The following GPATCH8 variants were observed in gnomAD, a reference collection of about 807,000 sequenced individuals.
GPATCH8 encodes G patch domain-containing protein 8.
Under a neutral mutation model 118.3 loss-of-function variants are expected in GPATCH8, and 18 were observed. The ratio of observed to expected loss-of-function variants is 0.15; its 90% CI spans 0.11 to 0.23. GPATCH8 has a LOEUF of 0.23. Among genes scored for constraint, GPATCH8 ranks in the 10% least tolerant of loss-of-function variants. The pLI is 1.00. For missense variants in GPATCH8, 1,631 were observed against 1,873.8 expected (o/e 0.87, Z 2.39); for synonymous variants, 659 against 684.7 (o/e 0.96, Z 0.59).
In GPATCH8 at chr17:44,395,670, C is replaced by T; in HGVS notation, c.*1898G>A. On this transcript the variant is annotated 3_prime_UTR_variant, in exon 8 of 8. Coordinates refer to ENST00000591680, the MANE Select transcript of GPATCH8 (RefSeq NM_001002909.4). ...ACAGGTAGGAGGGTGGGAGGGCAGT[C>T]AAGAGTTGTGTTTGCCTGCCACTTT... 4.4e-6 allele frequency: 2 copies of T among 454,120 alleles called. No homozygotes were observed. Among genetic ancestry groups the T allele is most frequent in the South Asian group, 3.1e-5 (2 of 64,478 alleles). 28.1% of individuals were successfully genotyped at this position (454,120 alleles called of 1,614,324 possible). A position where few individuals can be genotyped will look rare whatever the true frequency, so the allele number is the denominator to read the frequency against.
intron 3 of GPATCH8, among the ~76,000 whole-genome samples, chr17:44,462,533 A>G (rs2051594393): frequency 6.6e-6 from 1 of 152,206 alleles, no homozygotes; most frequent in African/African-American, 2.4e-5. Context: ...ACTGGAAAAC[A>G]AGTTTAAAGG....
At chr17:44,501,220 C>T (rs1348895207) in intron 1 of GPATCH8, among the ~76,000 whole-genome samples, 3 of 152,002 alleles carry the variant, frequency 2.0e-5, no homozygotes, top group Non-Finnish European at 4.4e-5. Context: ...AGTTCGAGAC[C>T]AGCCTGGCCA....
rs141090723 is a variant in GPATCH8 at position 44,454,593 on chromosome 17, T to C, written c.193+9879A>G. 3.6e-4 allele frequency among the ~76,000 whole-genome samples: 55 copies of C among 152,306 alleles called. 1 individual carries two copies. Among genetic ancestry groups the C allele is most frequent in the Admixed American group, 6.5e-4 (10 of 15,290 alleles). ...TCTCCTGCAATCCCTTTCATCTTTA[T>C]ATTTATTTTAATTTTTGTAGAGACA... On this transcript the variant is annotated intron_variant, in intron 3 of 7. Transcript: ENST00000591680.
At chr17:44,442,436 A>C (rs1188931472) in intron 3 of GPATCH8, among the ~76,000 whole-genome samples, 2 of 152,306 alleles carry the variant, frequency 1.3e-5, no homozygotes, top group Admixed American at 6.5e-5. Flanking sequence ...ATGAAGTGCA[A>C]GTAAATATAA....
chr17:44,480,187 C>T (rs1443781817), intron 1 of GPATCH8, among the ~76,000 whole-genome samples: 1 of 152,030 alleles, frequency 6.6e-6, no homozygotes, highest in South Asian at 2.1e-4. Flanking sequence ...ATACAGGTGG[C>T]AAGTAAGCAC....
At position 44,397,361 on chromosome 17, in the gene GPATCH8, A is replaced by G; in HGVS notation, c.*207T>C. 1.5e-6 allele frequency: 1 copy of G among 687,124 alleles called. No individual in the cohort carries two copies. Among genetic ancestry groups the G allele is most frequent in the Non-Finnish European group, 2.7e-6 (1 of 376,262 alleles). 42.6% of individuals were successfully genotyped at this position (687,124 alleles called of 1,614,324 possible). ...ACACAGAAGAGGGAGGGACAAATTG[A>G]GAGGAGGACAGGAAAAAGAAATCCC... On this transcript the variant is annotated 3_prime_UTR_variant, in exon 8 of 8. Coordinates refer to ENST00000591680, the MANE Select transcript of GPATCH8 (RefSeq NM_001002909.4).
intron 7 of GPATCH8, among the ~76,000 whole-genome samples, chr17:44,405,309 A>C (rs1390330375): frequency 2.0e-5 from 3 of 151,444 alleles, no homozygotes; most frequent in Middle Eastern, 3.5e-3. Flanking sequence ...CCCAGGTTCA[A>C]GCGATTCTCC....
intron 3 of GPATCH8, among the ~76,000 whole-genome samples, chr17:44,460,301 TC>T (rs1387897786): frequency 3.9e-5 from 6 of 152,208 alleles, no homozygotes; most frequent in Admixed American, 3.3e-4. Flanking sequence ...CATTATCTTT[TC>T]TTCAGGTCTT....
chr17:44,398,703 T>C lies in GPATCH8; in HGVS notation c.3374A>G (p.Asp1125Gly). 1 of 1,594,932 alleles carries C rather than the reference T, an allele frequency of 6.3e-7. No homozygotes were observed. Among genetic ancestry groups the C allele is most frequent in the Non-Finnish European group, 8.6e-7 (1 of 1,169,048 alleles). ...GGGCCCAAAGTAACCTTGTGGGGGG[T>C]CCTTGAGCTTGGGCCCAGCTTTATT... The part of the protein sequence containing the change: ...TPNKAGPKLK[D>G]PPQGYFGPKL... Residue 1125 changes from aspartate (D) to glycine (G), a missense_variant, in exon 8 of 8, where the codon GAC becomes GGC. By Grantham distance (94) the Asp-to-Gly change is moderately conservative (BLOSUM62 -1). Around this residue, in one of 8 missense-constraint regions of GPATCH8, gnomAD observed 922 missense variants for 879.7 expected, o/e 1.05. Coordinates refer to ENST00000591680, the MANE Select transcript of GPATCH8 (RefSeq NM_001002909.4).
rs1352580266 is a variant in GPATCH8 at position 44,396,446 on chromosome 17, T to G, written c.*1122A>C. 8.8e-6 allele frequency: 4 copies of G among 454,236 alleles called. No homozygotes were observed. Among genetic ancestry groups the G allele is most frequent in the Non-Finnish European group, 1.8e-5 (4 of 226,792 alleles). The allele number at this position is 454,236 out of a possible 1,614,324, so 28.1% of individuals were successfully genotyped here. On this transcript the variant is annotated 3_prime_UTR_variant, in exon 8 of 8. Coordinates refer to ENST00000591680, the MANE Select transcript of GPATCH8 (RefSeq NM_001002909.4). ...TACTGGGGGCACTACATACTGCAAA[T>G]TACTTAACATTTTGTCCCAGCAAAA...
At chr17:44,448,840 A>T (rs1020249238) in intron 3 of GPATCH8, among the ~76,000 whole-genome samples, 15 of 147,122 alleles carry the variant, frequency 1.0e-4, no homozygotes, top group South Asian at 2.1e-4. Flanking sequence ...GGATAAATTT[A>T]AAAAAAAAAA....
At chr17:44,460,959 G>A (rs890553777) in intron 3 of GPATCH8, among the ~76,000 whole-genome samples, 5 of 152,148 alleles carry the variant, frequency 3.3e-5, no homozygotes, top group African/African-American at 1.2e-4. Context: ...TGCTGAATCC[G>A]ACACTAGGAA....
In GPATCH8 at chr17:44,474,886, C is replaced by T. The variant is rs1442828675; in HGVS notation, c.63G>A (p.Gln21=). The stretch of plus-strand genomic sequence containing the variant: ...CAATTTCCAAGTGTCCTTCCTCATA[C>T]TGATCAAAGTGATTACCCTGAAAAA... ...DRDFQGNHFD[Q]YEEGHLEIEQ... is the part of the protein sequence containing the mutation. The change falls in exon 2 of 8, where the codon CAG becomes CAA. Residue 21 remains glutamine (Q), a synonymous_variant. Transcript: ENST00000591680. The T allele has an allele frequency of 3.9e-6, 6 of 1,552,496 alleles. No individual in the cohort carries two copies. In the African/African-American group the frequency reaches 6.8e-5, roughly 18 times the overall value.
At chr17:44,423,250 A>G (rs1223065401) in intron 6 of GPATCH8, among the ~76,000 whole-genome samples, 1 of 152,222 alleles carries the variant, frequency 6.6e-6, no homozygotes, top group Non-Finnish European at 1.5e-5. Context: ...AAAAAAACAG[A>G]AAAGAATGTC....
intron 2 of GPATCH8, among the ~76,000 whole-genome samples, chr17:44,470,117 T>G (rs965100870): frequency 6.6e-6 from 1 of 152,246 alleles, no homozygotes; most frequent in Non-Finnish European, 1.5e-5. Context: ...GATGGGTAGT[T>G]GCACTTCCAA....
rs570130508 is a variant in GPATCH8, at chr17:44,468,971, GC to G, written c.121-4428del. Among the ~76,000 whole-genome samples the G allele has an allele frequency of 3.9e-4, 60 of 152,236 alleles. 1 individual carries two copies. The South Asian group carries it at 0.011, about 27-fold the overall frequency. ...CTCTGCTCAAGACCCCAAAATGGTGGCTGTGCGGCCTGTTCTTTGGTTGGAA... is the reference window on the plus strand; with the variant it reads ...CTCTGCTCAAGACCCCAAAATGGTGGTGTGCGGCCTGTTCTTTGGTTGGAA... On this transcript the variant is annotated intron_variant, in intron 2 of 7. Coordinates refer to ENST00000591680, the MANE Select transcript of GPATCH8 (RefSeq NM_001002909.4).
At chr17:44,414,081 G>A (rs1177145967) in intron 6 of GPATCH8, among the ~76,000 whole-genome samples, 23 of 135,026 alleles carry the variant, frequency 1.7e-4, no homozygotes, top group African/African-American at 4.1e-4. Context: ...ATATATATAT[G>A]TGTGTGTATA....
intron 7 of GPATCH8, among the ~76,000 whole-genome samples, chr17:44,403,714 C>T (rs562532626): frequency 6.6e-6 from 1 of 151,148 alleles, no homozygotes; most frequent in Non-Finnish European, 1.5e-5. Context: ...TTCTCCCAAG[C>T]TGGAGTTTTG....
intron 3 of GPATCH8, among the ~76,000 whole-genome samples, chr17:44,442,224 A>AAC (rs1555633573): frequency 1.3e-5 from 2 of 148,810 alleles, no homozygotes; most frequent in South Asian, 2.1e-4. Flanking sequence ...AAAAAAAAAA[A>AAC]AAAACACCAC....
Sources: allele counts gnomAD v4.1 joint callset (sites outside exome capture counted in the v4.1 genomes callset), GRCh38; gene constraint gnomAD v4.1.1; regional missense constraint gnomAD v4.1.1; transcripts MANE v1.5; gene names NCBI Gene and HGNC (gene_info 2026-07-23, HGNC 2026-07-21).